The following LRRFIP1 variants were observed in gnomAD, a reference collection of about 807,000 sequenced individuals.
LRRFIP1 encodes leucine-rich repeat flightless-interacting protein 1.
LRRFIP1 carries 62 observed loss-of-function variants against 104.4 expected under a neutral mutation model. That is an observed-to-expected ratio of 0.59 (90% CI 0.48 to 0.73). LRRFIP1 has a LOEUF of 0.73. Among genes scored for constraint, LRRFIP1 ranks in the 30% least tolerant of loss-of-function variants. The probability of loss-of-function intolerance (pLI) is 0.00; values close to 1 mark genes in which losing one functional copy is unlikely to be tolerated. For synonymous variants in LRRFIP1, 300 were observed against 299.0 expected (o/e 1.00, Z -0.03); for missense variants, 796 against 824.5 (o/e 0.97, Z 0.42).
intron 1 of LRRFIP1, among the ~76,000 whole-genome samples, 191 bp downstream of exon 1, chr2:237,627,931 C>T (rs1354670769): frequency 1.3e-5 from 2 of 151,014 alleles, no homozygotes; most frequent in East Asian, 3.9e-4. Context: ...CCCCGATCTC[C>T]GAGGCCTGCG....
At chr2:237,763,218 A>G (rs2060043756) in intron 19 of LRRFIP1, 1 of 1,614,068 alleles carries the variant, frequency 6.2e-7, no homozygotes, top group Non-Finnish European at 8.5e-7. Flanking sequence ...AACGAAGAAG[A>G]GGGTGAAGAA....
At chr2:237,682,537 G>C (rs1306949413) in intron 1 of LRRFIP1, among the ~76,000 whole-genome samples, 2 of 152,140 alleles carry the variant, frequency 1.3e-5, no homozygotes, top group African/African-American at 4.8e-5. Flanking sequence ...TCTCCCATCG[G>C]CTTACTCTTG....
chr2:237,740,894 TCTC>T (rs2095396268), intron 11 of LRRFIP1, among the ~76,000 whole-genome samples: 1 of 152,124 alleles, frequency 6.6e-6, no homozygotes, highest in African/African-American at 2.4e-5. Context: ...GGAATGTTTA[TCTC>T]CTCCATCCAG....
Position 237,708,562 on chromosome 2 carries a change from G to A in LRRFIP1, c.115G>A (p.Ala39Thr). ...GTTTCAGGCGGAAGCCCGGCTCGCT[G>A]CAAAACGGGCGGCCCGCGCGGAGGC... is the stretch of plus-strand genomic sequence containing the variant. ...IAREAEARLAAKRAARAEARE... is the reference protein window; with the variant it reads ...IAREAEARLATKRAARAEARE... Residue 39 changes from alanine (A) to threonine (T), a missense_variant, in exon 2 of 24, where the codon GCA becomes ACA. Physicochemically the swap from Ala to Thr is moderately conservative, Grantham distance 58. Coordinates refer to ENST00000308482, the MANE Select transcript of LRRFIP1 (RefSeq NM_001137550.2). The A allele has an allele frequency of 1.3e-6, 2 of 1,587,032 alleles. No homozygotes were observed. Among genetic ancestry groups the A allele is most frequent in the Non-Finnish European group, 1.7e-6 (2 of 1,163,952 alleles).
intron 1 of LRRFIP1, among the ~76,000 whole-genome samples, chr2:237,688,362 A>G (rs565297723): frequency 1.3e-5 from 2 of 152,184 alleles, no homozygotes; most frequent in South Asian, 4.1e-4. Flanking sequence ...AGAAGGAGGA[A>G]GTCAAGCCCT....
At chr2:237,742,066 C>T (rs755225983) in intron 11 of LRRFIP1, among the ~76,000 whole-genome samples, 9 of 152,300 alleles carry the variant, frequency 5.9e-5, no homozygotes, top group South Asian at 2.1e-4. Flanking sequence ...ATTGAAATGA[C>T]ACAAATTTCT....
intron 3 of LRRFIP1, among the ~76,000 whole-genome samples, chr2:237,715,318 C>G (rs1210686722): frequency 6.6e-6 from 1 of 152,130 alleles, no homozygotes; most frequent in Non-Finnish European, 1.5e-5. Context: ...GCTGGAGTTC[C>G]TGGTCGTCCT....
rs182256547 is a variant in LRRFIP1 at position 237,647,244 on chromosome 2, C to A, written c.96+19504C>A. ...GACCACAGCTTCTCTCTTGGGCACA[C>A]TGGAGGCCATTGGCGGTGTGCAGGG... On this transcript the variant is annotated intron_variant, in intron 1 of 23. Transcript: ENST00000308482. Among the ~76,000 whole-genome samples the A allele has an allele frequency of 2.5e-3, 373 of 152,070 alleles. 4 individuals are homozygous for A. Among genetic ancestry groups the A allele is most frequent in the African/African-American group, 8.1e-3 (337 of 41,556 alleles).
At chr2:237,773,679 C>G (rs1318650756) in intron 22 of LRRFIP1, among the ~76,000 whole-genome samples, 3 of 152,204 alleles carry the variant, frequency 2.0e-5, no homozygotes, top group African/African-American at 7.2e-5. Context: ...GGCACTCCTG[C>G]CTCTAGCACC....
At chr2:237,723,720 C>T in intron 7 of LRRFIP1, 134 bp downstream of exon 7, 1 of 1,080,578 alleles carries the variant, frequency 9.3e-7, no homozygotes, top group Non-Finnish European at 1.4e-6. Flanking sequence ...GCCAGGAGGG[C>T]AGGCTTACCC....
At chr2:237,660,177 C>T (rs1288345271) in intron 1 of LRRFIP1, among the ~76,000 whole-genome samples, 2 of 152,026 alleles carry the variant, frequency 1.3e-5, no homozygotes, top group Admixed American at 6.6e-5. Flanking sequence ...CAATGATACG[C>T]GAGAAGGCAA....
intron 19 of LRRFIP1, chr2:237,769,593 T>TATAACA: frequency 4.1e-6 from 1 of 246,118 alleles, no homozygotes; most frequent in African/African-American, 2.2e-5. Context: ...ATTCTCGGTG[T>TATAACA]TTGTACATTG....
intron 8 of LRRFIP1, among the ~76,000 whole-genome samples, chr2:237,731,730 T>G (rs1440171950): frequency 6.6e-6 from 1 of 152,210 alleles, no homozygotes. Context: ...TATGAACGAT[T>G]CACCCAAGTT....
chr2:237,746,411 G>C lies in LRRFIP1; in HGVS notation c.634-1953G>C, dbSNP rs141325379. ...AGGAATATTTTTCTTTCCATGTGAA[G>C]TTGAGAACCACACTTGAATTGCTCC... On this transcript the variant is annotated intron_variant, in intron 11 of 23. Coordinates refer to ENST00000308482, the MANE Select transcript of LRRFIP1 (RefSeq NM_001137550.2). 3.4e-3 allele frequency among the ~76,000 whole-genome samples: 517 copies of C among 152,252 alleles called. 2 individuals carry two copies. The highest frequency in any genetic ancestry group is 0.012 in the African/African-American group (494 of 41,550).
In LRRFIP1 at chr2:237,756,075, G is replaced by A. The variant is rs775989314; in HGVS notation, c.1039-20G>A. On this transcript the variant is annotated intron_variant, in intron 15 of 23. Coordinates refer to ENST00000308482, the MANE Select transcript of LRRFIP1 (RefSeq NM_001137550.2). ...AAACATGGGATTCCACTGCTTTAGT[G>A]CTGTTTTTCTCCTTTACAGGAATTT... 3 of 1,566,800 alleles carry A rather than the reference G, an allele frequency of 1.9e-6. No individual in the cohort carries two copies. Among genetic ancestry groups the A allele is most frequent in the Middle Eastern group, 1.7e-4 (1 of 5,986 alleles).
chr2:237,678,796 C>A (rs1162600818), intron 1 of LRRFIP1, among the ~76,000 whole-genome samples: 1 of 152,176 alleles, frequency 6.6e-6, no homozygotes, highest in African/African-American at 2.4e-5. Context: ...GTGTGAGCCA[C>A]AGCACCCCGC....
chr2:237,772,482 A>T, intron 21 of LRRFIP1: 1 of 444,172 alleles, frequency 2.3e-6, no homozygotes, highest in Admixed American at 3.9e-5. Flanking sequence ...CAATCTTTCG[A>T]TCTGTTGATT....
intron 1 of LRRFIP1, 26 bp from the exon 2 acceptor site, chr2:237,708,518 C>G: frequency 6.5e-7 from 1 of 1,539,120 alleles, no homozygotes; most frequent in Non-Finnish European, 8.8e-7. Flanking sequence ...GCTCTGTCCT[C>G]TAATAAGATG....
chr2:237,733,297 C>T (rs1484236248), intron 8 of LRRFIP1, among the ~76,000 whole-genome samples: 2 of 152,196 alleles, frequency 1.3e-5, no homozygotes, highest in Non-Finnish European at 2.9e-5. Context: ...TGCAGTGACT[C>T]CCTTTGTGTC....
Sources: allele counts gnomAD v4.1 joint callset (sites outside exome capture counted in the v4.1 genomes callset), GRCh38; gene constraint gnomAD v4.1.1; transcripts MANE v1.5; gene names NCBI Gene and HGNC (gene_info 2026-07-23, HGNC 2026-07-21).